ABI3BP: variants seen among roughly 807,000 people sequenced by gnomAD.
ABI3BP encodes ABI family member 3 binding protein.
A neutral mutation model predicts 268.6 loss-of-function variants in ABI3BP; 216 were observed. The observed-to-expected ratio is 0.80, with a 90% CI of 0.72 to 0.90. The LOEUF (loss-of-function observed/expected upper bound fraction) is 0.90, where lower values mean the gene tolerates loss of function less well. Among genes scored for constraint, ABI3BP ranks in the 40% least tolerant of loss-of-function variants. The pLI is 0.00. For synonymous variants in ABI3BP, 730 were observed against 730.0 expected (o/e 1.00, Z 0.00); for missense variants, 2,090 against 2,182.4 (o/e 0.96, Z 0.84).
At chr3:100,925,052 T>A (rs905186647) in intron 2 of ABI3BP, among the ~76,000 whole-genome samples, 2 of 152,200 alleles carry the variant, frequency 1.3e-5, no homozygotes, top group African/African-American at 2.4e-5. Flanking sequence ...TTGTCAGAAA[T>A]GCTTACCTCT....
intron 32 of ABI3BP, among the ~76,000 whole-genome samples, chr3:100,830,236 G>A (rs139074434): frequency 1.8e-4 from 26 of 145,966 alleles, no homozygotes; most frequent in Middle Eastern, 3.7e-3. Context: ...TAGCTGTGCC[G>A]ATTTACTCAG....
At chr3:100,849,667 A>G (rs1040525303) in intron 17 of ABI3BP, among the ~76,000 whole-genome samples, 12 of 152,328 alleles carry the variant, frequency 7.9e-5, no homozygotes, top group Admixed American at 7.8e-4. Flanking sequence ...TGCAAAGCCT[A>G]CTTGGTGCTC....
intron 62 of ABI3BP, among the ~76,000 whole-genome samples, chr3:100,767,105 A>G (rs1225521062): frequency 6.6e-6 from 1 of 151,932 alleles, no homozygotes; most frequent in Non-Finnish European, 1.5e-5. Flanking sequence ...GCACCACCAC[A>G]CCCAGCTAAT....
intron 29 of ABI3BP, 130 bp downstream of exon 29, chr3:100,834,554 A>C: frequency 2.5e-4 from 173 of 684,588 alleles, no homozygotes; most frequent in Non-Finnish European, 3.9e-4. Flanking sequence ...CTGTGTTGGT[A>C]GCAGCTGCTT....
intron 45 of ABI3BP, 79 bp downstream of exon 45, chr3:100,813,582 T>G (rs1336968299): frequency 1.7e-6 from 2 of 1,143,286 alleles, no homozygotes; most frequent in African/African-American, 1.6e-5. Context: ...TTTTTTATCT[T>G]TGGAAATATA....
At chr3:100,863,348 G>C (rs908505226) in intron 12 of ABI3BP, 1 of 157,048 alleles carries the variant, frequency 6.4e-6, no homozygotes, top group African/African-American at 2.5e-5. Context: ...ATGGAGTCTC[G>C]CTCTGTCACC....
chr3:100,838,553 T>C (rs2098641059), intron 24 of ABI3BP, 89 bp from the exon 25 acceptor site: 2 of 1,093,634 alleles, frequency 1.8e-6, no homozygotes, highest in Non-Finnish European at 2.7e-6. Context: ...AGACACTATA[T>C]AAATTCAACG....
chr3:100,822,910 C>A (rs1425248660), intron 37 of ABI3BP, among the ~76,000 whole-genome samples: 1 of 152,010 alleles, frequency 6.6e-6, no homozygotes, highest in Non-Finnish European at 1.5e-5. Context: ...CATAGGGTAG[C>A]TTTACTGGGT....
chr3:100,853,988 T>C (rs1431611283), intron 14 of ABI3BP, among the ~76,000 whole-genome samples: 1 of 152,180 alleles, frequency 6.6e-6, no homozygotes. Flanking sequence ...TTTATGTTGT[T>C]TGGTCAGCTT....
intron 43 of ABI3BP, chr3:100,816,425 G>A (rs949089318): frequency 4.8e-5 from 27 of 563,672 alleles, no homozygotes; most frequent in Admixed American, 4.2e-4. Flanking sequence ...TGCTAATCTC[G>A]CTGTAAACAC....
intron 1 of ABI3BP, among the ~76,000 whole-genome samples, chr3:100,942,844 T>G (rs1309808302): frequency 6.6e-6 from 1 of 152,142 alleles, no homozygotes; most frequent in African/African-American, 2.4e-5. Context: ...CATTACTCTT[T>G]TAAAATTCAG....
At chr3:100,862,412 T>A in intron 13 of ABI3BP, 27 bp from the exon 14 acceptor site, 1 of 1,501,920 alleles carries the variant, frequency 6.7e-7, no homozygotes, top group Non-Finnish European at 8.9e-7. Context: ...TGGAATTTGC[T>A]GAAGATTTTT....
intron 6 of ABI3BP, among the ~76,000 whole-genome samples, chr3:100,884,851 T>C (rs1171489615): frequency 6.6e-6 from 1 of 152,086 alleles, no homozygotes; most frequent in African/African-American, 2.4e-5. Context: ...AACTAAATAC[T>C]GGGTATGAGA....
intron 2 of ABI3BP, among the ~76,000 whole-genome samples, chr3:100,904,973 G>T (rs2052556517): frequency 6.6e-6 from 1 of 152,138 alleles, no homozygotes; most frequent in South Asian, 2.1e-4. Context: ...TATGTTTATT[G>T]CGGCACTATT....
chr3:100,778,621 A>C (rs1298714449), intron 58 of ABI3BP: 1 of 441,978 alleles, frequency 2.3e-6, no homozygotes, highest in East Asian at 3.9e-5. Context: ...TTATAGATGA[A>C]TATACAGTCG....
At chr3:100,853,013 C>T (rs1265504873) in intron 14 of ABI3BP, among the ~76,000 whole-genome samples, 1 of 152,166 alleles carries the variant, frequency 6.6e-6, no homozygotes, top group Non-Finnish European at 1.5e-5. Context: ...AAGAAAGGAG[C>T]TCACAGGAAG....
intron 52 of ABI3BP, 55 bp from the exon 53 acceptor site, chr3:100,795,906 G>C: frequency 8.4e-7 from 1 of 1,196,410 alleles, no homozygotes; most frequent in Middle Eastern, 2.3e-4. Flanking sequence ...ACCTGGCAAA[G>C]TCAAAATAGT....
chr3:100,962,565 G>T (rs558020635), intron 1 of ABI3BP, among the ~76,000 whole-genome samples: 39 of 152,032 alleles, frequency 2.6e-4, no homozygotes, highest in African/African-American at 8.9e-4. Context: ...CTATGAAATA[G>T]CTTCTGTGTC....
At chr3:100,929,714 C>A (rs986467149) in intron 1 of ABI3BP, among the ~76,000 whole-genome samples, 1 of 151,970 alleles carries the variant, frequency 6.6e-6, no homozygotes, top group Non-Finnish European at 1.5e-5. Context: ...CCTTACAATC[C>A]TCTCACATTC....
Sources: allele counts gnomAD v4.1 joint callset (sites outside exome capture counted in the v4.1 genomes callset), GRCh38; gene constraint gnomAD v4.1.1; transcripts MANE v1.5; gene names NCBI Gene and HGNC (gene_info 2026-07-23, HGNC 2026-07-21).